The following SGK3 variants were observed in gnomAD, a reference collection of about 807,000 sequenced individuals.
SGK3 encodes the protein serum/glucocorticoid regulated kinase family member 3.
In SGK3, 47 loss-of-function variants were observed where a neutral mutation model predicts 68.5. The observed-to-expected ratio is 0.69, with a 90% CI of 0.54 to 0.87. The LOEUF is 0.87. Among genes scored for constraint, SGK3 ranks in the 40% least tolerant of loss-of-function variants. The pLI, the probability that SGK3 is intolerant of heterozygous loss-of-function variation, is 0.00. For missense variants in SGK3, 479 were observed against 575.5 expected (o/e 0.83, Z 1.72); for synonymous variants, 181 against 189.1 (o/e 0.96, Z 0.35).
intron 1 of SGK3, among the ~76,000 whole-genome samples, chr8:66,728,996 G>T (rs1244155344): frequency 6.6e-6 from 1 of 151,736 alleles, no homozygotes; most frequent in Non-Finnish European, 1.5e-5. Context: ...GAGGCGGGCG[G>T]ATCACAAGGT....
chr8:66,767,369 A>G (rs1310796400), intron 1 of SGK3: 3 of 1,138,990 alleles, frequency 2.6e-6, no homozygotes, highest in East Asian at 4.7e-5. Flanking sequence ...TAATAGAAAT[A>G]TACACAAACT....
At chr8:66,723,131 A>ATATATATATATTTT (rs1554591219) in intron 1 of SGK3, among the ~76,000 whole-genome samples, 1 of 29,494 alleles carries the variant, frequency 3.4e-5, no homozygotes, top group Non-Finnish European at 5.9e-5. Context: ...ATATATATAT[A>ATATATATATATTTT]TTTTTTTTTT....
chr8:66,832,632 T>C (rs926598563), intron 8 of SGK3, among the ~76,000 whole-genome samples: 3 of 152,036 alleles, frequency 2.0e-5, no homozygotes, highest in South Asian at 2.1e-4. Context: ...AACAAAAGCA[T>C]TGTGGCACAT....
chr8:66,802,243 A>G (rs1335590701), intron 3 of SGK3, among the ~76,000 whole-genome samples: 1 of 152,150 alleles, frequency 6.6e-6, no homozygotes, highest in Non-Finnish European at 1.5e-5. Context: ...ATCAGGTTGA[A>G]CCTGGTCTGG....
rs375684195 is a variant in SGK3 at position 66,730,074 on chromosome 8, A to G, written c.-122+17241A>G. ...GTGCCCAGCCCTACCTTATTTTACA[A>G]TCTCACCAGTAATGTATGAAGTTTC... On this transcript the variant is annotated intron_variant, in intron 1 of 16. Transcript: ENST00000521198. 6.6e-5 allele frequency among the ~76,000 whole-genome samples: 10 copies of G among 152,080 alleles called. No individual in the cohort carries two copies. The East Asian group carries it at 1.5e-3, about 24-fold the overall frequency.
intron 1 of SGK3, among the ~76,000 whole-genome samples, chr8:66,737,036 C>A (rs1805337570): frequency 6.6e-6 from 1 of 151,904 alleles, no homozygotes; most frequent in Admixed American, 6.6e-5. Context: ...TTTTGGCCTC[C>A]CAAAGTATTG....
Position 66,781,038 on chromosome 8 carries a change from T to G in SGK3, c.-121-12578T>G, listed in dbSNP as rs914586752. On this transcript the variant is annotated intron_variant, in intron 1 of 16. Transcript: ENST00000521198. ...CAACCTCTTCAGTTCAGAACCAGCT[T>G]GACCGCAGGCCCCATCCATCTGCCA... 1.4e-4 allele frequency among the ~76,000 whole-genome samples: 22 copies of G among 152,290 alleles called. 2 individuals are homozygous for G. The South Asian group carries it at 4.1e-3, about 29-fold the overall frequency.
intron 1 of SGK3, among the ~76,000 whole-genome samples, chr8:66,758,649 T>G (rs1219794118): frequency 6.6e-6 from 1 of 152,158 alleles, no homozygotes; most frequent in Non-Finnish European, 1.5e-5. Context: ...AGTAGCTTCT[T>G]AGATATTAGA....
intron 1 of SGK3, among the ~76,000 whole-genome samples, chr8:66,733,920 A>G (rs1259310819): frequency 6.6e-6 from 1 of 152,234 alleles, no homozygotes; most frequent in Non-Finnish European, 1.5e-5. Flanking sequence ...GAATCCAAGA[A>G]TTATTCTACA....
chr8:66,730,727 G>A (rs1805126149), intron 1 of SGK3, among the ~76,000 whole-genome samples: 1 of 152,090 alleles, frequency 6.6e-6, no homozygotes, highest in African/African-American at 2.4e-5. Flanking sequence ...TCTCGCTCTG[G>A]AGTGCAGTGG....
intron 1 of SGK3, among the ~76,000 whole-genome samples, chr8:66,751,937 G>C (rs1805830139): frequency 1.3e-5 from 2 of 151,906 alleles, no homozygotes; most frequent in South Asian, 4.2e-4. Flanking sequence ...GGCTAATTTT[G>C]TATTTTTAGT....
intron 4 of SGK3, among the ~76,000 whole-genome samples, chr8:66,807,164 TTGA>T (rs1808202503): frequency 6.6e-6 from 1 of 152,216 alleles, no homozygotes; most frequent in Non-Finnish European, 1.5e-5. Flanking sequence ...GGAATACATC[TTGA>T]TGATTGCTTA....
At chr8:66,742,028 T>C (rs1805495561) in intron 1 of SGK3, among the ~76,000 whole-genome samples, 1 of 152,178 alleles carries the variant, frequency 6.6e-6, no homozygotes, top group Non-Finnish European at 1.5e-5. Context: ...TGTCAGTCCT[T>C]GGGAAGTACA....
intron 6 of SGK3, among the ~76,000 whole-genome samples, chr8:66,824,015 C>T (rs999380010): frequency 1.3e-5 from 2 of 151,904 alleles, no homozygotes; most frequent in African/African-American, 4.8e-5. Context: ...TAATATGGTG[C>T]ATTGGAATAT....
intron 5 of SGK3, among the ~76,000 whole-genome samples, chr8:66,820,809 T>A (rs1808780797): frequency 6.6e-6 from 1 of 152,214 alleles, no homozygotes; most frequent in South Asian, 2.1e-4. Context: ...GCTCTAGTGA[T>A]TCCCCTGCCT....
chr8:66,822,593 C>A, intron 6 of SGK3, 134 bp downstream of exon 6: 2 of 681,318 alleles, frequency 2.9e-6, no homozygotes, highest in East Asian at 3.1e-5. Flanking sequence ...CACATAAAAA[C>A]AAATGCATAT....
At chr8:66,734,800 A>T (rs539070984) in intron 1 of SGK3, among the ~76,000 whole-genome samples, 3 of 152,072 alleles carry the variant, frequency 2.0e-5, no homozygotes, top group Non-Finnish European at 4.4e-5. Flanking sequence ...TGTAAAAATT[A>T]GCTGGGCGTG....
rs374764386 is a variant in SGK3, at chr8:66,758,011, TACACACAC to T, written c.-121-35586_-121-35579del. Among the ~76,000 whole-genome samples the T allele has an allele frequency of 3.7e-5, 5 of 133,666 alleles. No individual in the cohort carries two copies. The East Asian group carries it at 6.5e-4, about 17-fold the overall frequency. 87.7% of individuals were successfully genotyped at this position (133,666 alleles called of 152,430 possible). The stretch of plus-strand genomic sequence containing the variant: ...TATGTATATATATACACACACACAC[TACACACAC>T]ACACACACACACACACACCCTTTAC... On this transcript the variant is annotated intron_variant, in intron 1 of 16. Coordinates refer to ENST00000521198, the MANE Select transcript of SGK3 (RefSeq NM_001033578.3).
chr8:66,832,140 A>C lies in SGK3; in HGVS notation c.525+829A>C, dbSNP rs148918199. On this transcript the variant is annotated intron_variant, in intron 8 of 16. Coordinates refer to ENST00000521198, the MANE Select transcript of SGK3 (RefSeq NM_001033578.3). ...GCAGCTGTGTAAATAACAGTTTGAG[A>C]AGGAAACGAATGTGTAAAGACCCTG... Among the ~76,000 whole-genome samples, 410 of 152,240 alleles carry C rather than the reference A, an allele frequency of 2.7e-3. 2 individuals are homozygous for C. The highest frequency in any genetic ancestry group is 4.3e-3 in the Non-Finnish European group (290 of 67,980).
Sources: gnomAD v4.1 joint callset for allele counts (sites outside exome capture counted in the v4.1 genomes callset) on GRCh38, gnomAD v4.1.1 for gene constraint, MANE v1.5 for transcripts, NCBI Gene and HGNC (gene_info 2026-07-23, HGNC 2026-07-21) for gene names.